SCN9A: variants seen among roughly 807,000 people sequenced by gnomAD.
SCN9A encodes sodium voltage-gated channel alpha subunit 9, also known as sodium channel protein type 9 subunit alpha.
Under a neutral mutation model 187.0 loss-of-function variants are expected in SCN9A, and 131 were observed. The observed-to-expected ratio is 0.70, with a 90% CI of 0.61 to 0.81. The LOEUF is 0.81. SCN9A is among the 30% of genes least tolerant of loss of function. SCN9A has a pLI of 0.00. For synonymous variants in SCN9A, 809 were observed against 808.6 expected, an observed-to-expected ratio of 1.00 and a Z score of -0.01; for missense variants, 2,252 against 2,396.6, an observed-to-expected ratio of 0.94 and a Z score of 1.26.
At chr2:166,304,588 G>A (rs1328704935) in intron 5 of SCN9A, among the ~76,000 whole-genome samples, 1 of 151,916 alleles carries the variant, frequency 6.6e-6, no homozygotes, top group East Asian at 1.9e-4. Context: ...TCAATTGTTG[G>A]ACCCTTAACA....
chr2:166,261,148 A>C (rs1166322690), intron 17 of SCN9A, among the ~76,000 whole-genome samples: 1 of 151,914 alleles, frequency 6.6e-6, no homozygotes, highest in Non-Finnish European at 1.5e-5. Context: ...TTCTTTTGAC[A>C]TTTTCATAAA....
Position 166,316,491 on chromosome 2 carries a change from G to A in SCN9A, c.-50-4685C>T, listed in dbSNP as rs548866946. 2.8e-4 allele frequency among the ~76,000 whole-genome samples: 43 copies of A among 152,288 alleles called. 1 individual carries two copies. The South Asian group carries it at 3.7e-3, about 13-fold the overall frequency. On this transcript the variant is annotated intron_variant, in intron 1 of 26. Transcript: ENST00000642356. ...AGGCAGATCATGAGGTCAGGAGATC[G>A]AGACCAACCTGGCGAACACTGTGAA...
chr2:166,298,962 G>T (rs1325134100), intron 7 of SCN9A: 1 of 152,074 alleles, frequency 6.6e-6, no homozygotes, highest in Non-Finnish European at 1.5e-5. Flanking sequence ...TTCCTCATTT[G>T]CACTCTCAGG....
At chr2:166,343,488 G>A (rs1208824173) in intron 1 of SCN9A, among the ~76,000 whole-genome samples, 1 of 152,120 alleles carries the variant, frequency 6.6e-6, no homozygotes, top group Non-Finnish European at 1.5e-5. Flanking sequence ...TTGGTTTGAG[G>A]ACTATAGGAT....
In SCN9A at chr2:166,284,707, C is replaced by A. The variant is rs1553489865; in HGVS notation, c.1720G>T (p.Glu574Ter). 6.2e-7 allele frequency: 1 copy of A among 1,614,002 alleles called. No homozygotes were observed. Among genetic ancestry groups the A allele is most frequent in the Non-Finnish European group, 8.5e-7 (1 of 1,179,884 alleles). Residue 574 changes from glutamate (E) to a stop codon, truncating the protein, a stop_gained, in exon 12 of 27, where the codon GAG becomes TAG. Transcript: ENST00000642356. LOFTEE classifies it high-confidence loss of function. ...IGSETEFADDEHSIFGDNESR... is the reference protein window; with the variant it reads ...IGSETEFADD Reference sequence around the variant, plus strand: ...TCATTGTCTCCAAAAATGCTGTGCTCATCATCGGCAAATTCAGTCTCAGAT... The same window carrying A: ...TCATTGTCTCCAAAAATGCTGTGCTAATCATCGGCAAATTCAGTCTCAGAT...
intron 1 of SCN9A, among the ~76,000 whole-genome samples, chr2:166,328,444 T>TC (rs1699419447): frequency 6.6e-6 from 1 of 152,094 alleles, no homozygotes; most frequent in Admixed American, 6.6e-5. Context: ...CCAGTGTGTG[T>TC]TTTTCCCCTC....
At chr2:166,214,607 C>T (rs1366877921) in intron 24 of SCN9A, among the ~76,000 whole-genome samples, 2 of 131,264 alleles carry the variant, frequency 1.5e-5, no homozygotes, top group African/African-American at 6.0e-5. Context: ...CTCCGCCTCC[C>T]GGGTTCATGC....
Position 166,279,056 on chromosome 2 carries a change from G to A in SCN9A, c.2344-743C>T, listed in dbSNP as rs138826941. On this transcript the variant is annotated intron_variant, in intron 14 of 26. Coordinates refer to ENST00000642356, the MANE Select transcript of SCN9A (RefSeq NM_001365536.1). ...ATTGGCAGGGAGCAGCTGGACTTGA[G>A]GTTGTGGTAATAGCTGTGACCAGGT... Among the ~76,000 whole-genome samples the A allele has an allele frequency of 3.0e-4, 46 of 152,254 alleles. No homozygotes were observed. In the East Asian group the frequency reaches 7.2e-3, roughly 24 times the overall value.
At chr2:166,302,916 C>G (rs1044977392) in intron 7 of SCN9A, 174 bp downstream of exon 7, 1 of 567,216 alleles carries the variant, frequency 1.8e-6, no homozygotes, top group Non-Finnish European at 3.1e-6. Context: ...TAGCTTAGAA[C>G]CAGGATGATT....
intron 17 of SCN9A, among the ~76,000 whole-genome samples, chr2:166,255,691 C>CA (rs11349739): frequency 2.0e-5 from 3 of 150,772 alleles, no homozygotes; most frequent in Admixed American, 6.6e-5. Flanking sequence ...CTTCACACAA[C>CA]AAAAAAAAAG....
At chr2:166,349,084 G>A (rs537352949) in intron 1 of SCN9A, among the ~76,000 whole-genome samples, 15 of 152,070 alleles carry the variant, frequency 9.9e-5, no homozygotes, top group African/African-American at 3.6e-4. Context: ...CCGAGATCAC[G>A]CCATTGCACT....
chr2:166,323,997 C>A (rs563817371), intron 1 of SCN9A, among the ~76,000 whole-genome samples: 2 of 149,110 alleles, frequency 1.3e-5, no homozygotes, highest in Non-Finnish European at 3.0e-5. Context: ...AATAGCTACA[C>A]GCTCACAACT....
At chr2:166,248,117 A>G (rs1322144451) in intron 18 of SCN9A, 2 of 152,156 alleles carry the variant, frequency 1.3e-5, no homozygotes, top group Non-Finnish European at 2.9e-5. Flanking sequence ...TCGTTTTAAC[A>G]TTTATCTTCA....
chr2:166,229,947 A>T (rs1339914946), intron 21 of SCN9A, among the ~76,000 whole-genome samples: 1 of 152,198 alleles, frequency 6.6e-6, no homozygotes, highest in African/African-American at 2.4e-5. Context: ...CCTGTTAGGG[A>T]AGGAGCACTG....
intron 1 of SCN9A, among the ~76,000 whole-genome samples, chr2:166,342,081 C>G (rs1699799936): frequency 6.6e-6 from 1 of 152,010 alleles, no homozygotes. Context: ...CTATGTTGTT[C>G]CCAAGTCTTG....
intron 8 of SCN9A, 72 bp from the exon 9 acceptor site, chr2:166,293,444 T>C (rs937619564): frequency 1.5e-6 from 2 of 1,356,484 alleles, no homozygotes; most frequent in East Asian, 4.9e-5. Context: ...ACTGAAAAGT[T>C]ACAAACTCAA....
At chr2:166,209,597 A>C (rs1295154118) in intron 24 of SCN9A, among the ~76,000 whole-genome samples, 1 of 90,412 alleles carries the variant, frequency 1.1e-5, no homozygotes, top group Non-Finnish European at 2.1e-5. Context: ...AAACTGGAGA[A>C]AGAATCAACA....
intron 1 of SCN9A, among the ~76,000 whole-genome samples, chr2:166,326,882 A>G (rs1187287833): frequency 1.3e-5 from 2 of 152,126 alleles, no homozygotes; most frequent in Non-Finnish European, 1.5e-5. Flanking sequence ...CATCCTAGGG[A>G]GTCTTGGAGC....
At position 166,277,119 on chromosome 2, in the gene SCN9A, A is replaced by G. The variant is rs1697269981; in HGVS notation, c.2738T>C (p.Phe913Ser). The G allele has an allele frequency of 6.2e-7, 1 of 1,614,042 alleles. No homozygotes were observed. The highest frequency in any genetic ancestry group is 8.5e-7 in the Non-Finnish European group (1 of 1,179,994). The change falls in exon 16 of 27, where the codon TTC becomes TCC. Residue 913 changes from phenylalanine (F) to serine (S), a missense_variant. Phe to Ser is a radical substitution (Grantham distance 155). Transcript: ENST00000642356. ...CTLPRWHMND[F>S]FHSFLIVFRV... ...GAACACAATCAGGAAGGAGTGGAAGAAGTCGTTCATGTGCCACCGTGGGAG... is the reference window on the plus strand; with the variant it reads ...GAACACAATCAGGAAGGAGTGGAAGGAGTCGTTCATGTGCCACCGTGGGAG...
Sources: allele counts gnomAD v4.1 joint callset (sites outside exome capture counted in the v4.1 genomes callset), GRCh38; gene constraint gnomAD v4.1.1; transcripts MANE v1.5; gene names NCBI Gene and HGNC (gene_info 2026-07-23, HGNC 2026-07-21).